The following THSD4 variants were observed in gnomAD, a reference collection of about 807,000 sequenced individuals.
THSD4 encodes the protein thrombospondin type-1 domain-containing protein 4.
A neutral mutation model predicts 119.0 loss-of-function variants in THSD4; 69 were observed. That is an observed-to-expected ratio of 0.58 (90% CI 0.48 to 0.71). The LOEUF (loss-of-function observed/expected upper bound fraction) is 0.71. Among genes scored for constraint, THSD4 ranks in the 30% least tolerant of loss-of-function variants. The pLI is 0.00. For missense variants in THSD4, 1,393 were observed against 1,391.1 expected (o/e 1.00, Z -0.02); for synonymous variants, 524 against 540.4 (o/e 0.97, Z 0.42).
intron 8 of THSD4, among the ~76,000 whole-genome samples, chr15:71,686,360 A>T (rs2051910302): frequency 6.6e-6 from 1 of 152,156 alleles, no homozygotes; most frequent in African/African-American, 2.4e-5. Flanking sequence ...CATGATTTTG[A>T]GGGCTGAGGT....
chr15:71,488,441 G>C (rs1265005928), intron 7 of THSD4, among the ~76,000 whole-genome samples: 1 of 152,150 alleles, frequency 6.6e-6, no homozygotes, highest in East Asian at 1.9e-4. Context: ...AGAAAACTTA[G>C]ACGTTTCCAT....
At chr15:71,239,793 C>T (rs1037936496) in intron 4 of THSD4, among the ~76,000 whole-genome samples, 4 of 152,202 alleles carry the variant, frequency 2.6e-5, no homozygotes, top group Admixed American at 6.5e-5. Context: ...CCCCTGCAAG[C>T]GGCCAGATGG....
intron 7 of THSD4, among the ~76,000 whole-genome samples, chr15:71,456,555 A>G (rs571032255): frequency 6.6e-6 from 1 of 152,310 alleles, no homozygotes; most frequent in East Asian, 1.9e-4. Context: ...AAACTGAGGT[A>G]CATAGCAGTT....
rs906434567 is a variant in THSD4, at chr15:71,207,186, A to C, written c.100-7849A>C. On this transcript the variant is annotated intron_variant, in intron 3 of 17. Transcript: ENST00000261862. Reference sequence around the variant, plus strand: ...TCCCTTAAAAAGGCTATGATGAAATAAACCCCATCCACAATTGCTCTGATA... The same window carrying C: ...TCCCTTAAAAAGGCTATGATGAAATCAACCCCATCCACAATTGCTCTGATA... 3.3e-5 allele frequency among the ~76,000 whole-genome samples: 5 copies of C among 152,218 alleles called. No homozygotes were observed. The East Asian group carries it at 9.6e-4, about 29-fold the overall frequency.
chr15:71,583,747 C>T (rs2049603017), intron 7 of THSD4, among the ~76,000 whole-genome samples: 1 of 152,066 alleles, frequency 6.6e-6, no homozygotes, highest in African/African-American at 2.4e-5. Flanking sequence ...TTTCTAGTTT[C>T]ATACTATTTT....
intron 7 of THSD4, among the ~76,000 whole-genome samples, chr15:71,645,241 G>T (rs1251262943): frequency 1.3e-5 from 2 of 152,102 alleles, no homozygotes; most frequent in African/African-American, 4.8e-5. Context: ...ATTTATAAAG[G>T]AAAGAGGCTT....
At chr15:71,480,973 G>T (rs2047722045) in intron 7 of THSD4, among the ~76,000 whole-genome samples, 1 of 152,038 alleles carries the variant, frequency 6.6e-6, no homozygotes, top group Admixed American at 6.6e-5. Flanking sequence ...ACTGAAATTT[G>T]GTCCAATGTC....
intron 3 of THSD4, among the ~76,000 whole-genome samples, chr15:71,194,555 C>G (rs1433579875): frequency 2.0e-5 from 3 of 152,310 alleles, no homozygotes; most frequent in South Asian, 4.1e-4. Context: ...CTGTTGCCCT[C>G]CTGGGCCCGG....
chr15:71,111,906 T>G, upstream of THSD4: 1 of 560,862 alleles, frequency 1.8e-6, no homozygotes, highest in Non-Finnish European at 3.1e-6. Flanking sequence ...GGTAAAAGGA[T>G]TCCACGTCAA....
intron 6 of THSD4, among the ~76,000 whole-genome samples, chr15:71,299,800 A>G (rs2044918468): frequency 2.0e-5 from 3 of 152,148 alleles, no homozygotes; most frequent in Admixed American, 6.5e-5. Flanking sequence ...ATTGTACCCC[A>G]TAAAATTCAT....
intron 6 of THSD4, among the ~76,000 whole-genome samples, chr15:71,406,673 T>C (rs2046613086): frequency 6.6e-6 from 1 of 150,722 alleles, no homozygotes; most frequent in Non-Finnish European, 1.5e-5. Flanking sequence ...TGTGTGTGTG[T>C]GTGTGTGTGT....
chr15:71,609,676 C>T (rs914199437), intron 7 of THSD4, among the ~76,000 whole-genome samples: 1 of 151,978 alleles, frequency 6.6e-6, no homozygotes, highest in African/African-American at 2.4e-5. Flanking sequence ...CATGGTGAAA[C>T]CCCGTCTCTA....
intron 6 of THSD4, among the ~76,000 whole-genome samples, chr15:71,377,636 G>C (rs1013257848): frequency 6.6e-6 from 1 of 152,044 alleles, no homozygotes; most frequent in African/African-American, 2.4e-5. Flanking sequence ...GATGAGGCCT[G>C]CCTGTGGGTT....
intron 7 of THSD4, among the ~76,000 whole-genome samples, chr15:71,554,610 C>T (rs543061974): frequency 1.3e-5 from 2 of 152,080 alleles, no homozygotes; most frequent in Admixed American, 1.3e-4. Context: ...TGCCCAGACT[C>T]GTCTTGAGCT....
intron 7 of THSD4, 39 bp downstream of exon 7, chr15:71,411,862 T>C (rs768242832): frequency 6.2e-7 from 1 of 1,611,164 alleles, no homozygotes; most frequent in Non-Finnish European, 8.5e-7. Flanking sequence ...TTAAGGTGTT[T>C]GATCTGTGAC....
At chr15:71,529,490 C>T (rs1219585187) in intron 7 of THSD4, among the ~76,000 whole-genome samples, 1 of 152,170 alleles carries the variant, frequency 6.6e-6, no homozygotes, top group Non-Finnish European at 1.5e-5. Flanking sequence ...GGTTCTCTGT[C>T]AGCAGGAAGT....
chr15:71,363,107 A>C (rs2045914933), intron 6 of THSD4, among the ~76,000 whole-genome samples: 1 of 152,170 alleles, frequency 6.6e-6, no homozygotes, highest in Admixed American at 6.6e-5. Context: ...AGCTTGCTGT[A>C]AAGGGTACAG....
intron 6 of THSD4, among the ~76,000 whole-genome samples, chr15:71,394,520 C>T (rs981838620): frequency 6.6e-6 from 1 of 152,192 alleles, no homozygotes; most frequent in Non-Finnish European, 1.5e-5. Context: ...ATCCACCCGC[C>T]TCAGCCTCCC....
intron 3 of THSD4, chr15:71,185,799 G>A (rs2043594775): frequency 6.6e-6 from 1 of 152,096 alleles, no homozygotes; most frequent in African/African-American, 2.4e-5. Flanking sequence ...CCAGGCACTG[G>A]AGATATGCTG....
Sources: allele counts gnomAD v4.1 joint callset (sites outside exome capture counted in the v4.1 genomes callset), GRCh38; gene constraint gnomAD v4.1.1; transcripts MANE v1.5; gene names NCBI Gene and HGNC (gene_info 2026-07-23, HGNC 2026-07-21).